Variants in FAM167A observed in about 807,000 individuals in gnomAD.
The protein encoded by FAM167A is family with sequence similarity 167 member A, also known as protein FAM167A.
A neutral mutation model predicts 14.9 loss-of-function variants in FAM167A; 23 were observed. The ratio of observed to expected loss-of-function variants is 1.55; its 90% CI spans 1.11 to 2.19. The LOEUF (loss-of-function observed/expected upper bound fraction) is 2.19, where lower values mean the gene tolerates loss of function less well. FAM167A is among the 30% of genes most tolerant of loss of function. The probability of loss-of-function intolerance (pLI) is 0.00; values close to 1 mark genes in which losing one functional copy is unlikely to be tolerated. For synonymous variants in FAM167A, 174 were observed against 117.7 expected (o/e 1.48, Z -3.10); for missense variants, 401 against 281.5 (o/e 1.42, Z -3.04).
chr8:11,462,785 G>T lies in FAM167A; in HGVS notation c.-398+3841C>A, dbSNP rs1393573852. ...CACTCGCAGCCACTGCCTCGAAGCA[G>T]AAAGCATCTGCTCCAGAGGCAGCAG... On this transcript the variant is annotated intron_variant, in intron 1 of 2. Coordinates refer to ENST00000284486, the MANE Select transcript of FAM167A (RefSeq NM_053279.3). Among the ~76,000 whole-genome samples, 14 of 152,340 alleles carry T rather than the reference G, an allele frequency of 9.2e-5. No individual in the cohort carries two copies. In the South Asian group the frequency reaches 2.7e-3, roughly 29 times the overall value.
intron 2 of FAM167A, among the ~76,000 whole-genome samples, chr8:11,439,605 C>CG (rs1320303136): frequency 1.3e-5 from 2 of 152,222 alleles, no homozygotes; most frequent in African/African-American, 2.4e-5. Flanking sequence ...CTCCTTGGTG[C>CG]GGGGGGAGGG....
chr8:11,473,764 CT>C (rs961035783), intron 1 of FAM167A, among the ~76,000 whole-genome samples: 3 of 152,312 alleles, frequency 2.0e-5, no homozygotes, highest in Admixed American at 1.3e-4. Flanking sequence ...ATGAAGTTCA[CT>C]GTGAGGATTA....
chr8:11,425,540 A>G lies in FAM167A; in HGVS notation c.382-904T>C, dbSNP rs549612051. 5.3e-5 allele frequency among the ~76,000 whole-genome samples: 8 copies of G among 152,234 alleles called. No homozygotes were observed. In the South Asian group the frequency reaches 1.5e-3, roughly 28 times the overall value. On this transcript the variant is annotated intron_variant, in intron 2 of 2. Coordinates refer to ENST00000284486, the MANE Select transcript of FAM167A (RefSeq NM_053279.3). ...CTTGATGTTTCCTATTGATGTGTAA[A>G]CACAAGGTAAAATCCTAAGCCCCCC...
intron 2 of FAM167A, among the ~76,000 whole-genome samples, chr8:11,443,132 G>C (rs936517762): frequency 2.0e-5 from 3 of 152,242 alleles, no homozygotes; most frequent in Admixed American, 6.5e-5. Flanking sequence ...CTCAGGGACG[G>C]GGTGGGGCAG....
chr8:11,468,720 C>G (rs1028222122), upstream of FAM167A, among the ~76,000 whole-genome samples: 14 of 152,242 alleles, frequency 9.2e-5, no homozygotes, highest in African/African-American at 3.4e-4. Context: ...TCTGGAAATG[C>G]TTTGTCCCAC....
Position 11,444,357 on chromosome 8 carries a change from C to A in FAM167A, c.55G>T (p.Ala19Ser). ...AGGTGGTCATCGGGTGGTGCGGCTG[C>A]TCCCGCCCCCTCTTCTGCACCCACT... Reference protein sequence around the residue: ...EEVGAEEGAGAAAPPDDHLRS... With the variant: ...EEVGAEEGAGSAAPPDDHLRS... Residue 19 changes from alanine to serine, a missense_variant, in exon 2 of 3, where the codon GCA becomes TCA. Coordinates refer to ENST00000284486, the MANE Select transcript of FAM167A (RefSeq NM_053279.3). The A allele has an allele frequency of 6.3e-7, 1 of 1,594,526 alleles. No homozygotes were observed. The highest frequency in any genetic ancestry group is 8.5e-7 in the Non-Finnish European group (1 of 1,170,792).
intron 1 of FAM167A, among the ~76,000 whole-genome samples, chr8:11,449,206 C>T (rs1294526237): frequency 2.0e-5 from 3 of 152,208 alleles, no homozygotes; most frequent in Non-Finnish European, 4.4e-5. Flanking sequence ...TGCCCTGGTG[C>T]CTGAACAAGC....
At chr8:11,457,257 C>T (rs1307943898) in intron 1 of FAM167A, among the ~76,000 whole-genome samples, 2 of 151,958 alleles carry the variant, frequency 1.3e-5, no homozygotes, top group Non-Finnish European at 1.5e-5. Context: ...GCCAGGACAG[C>T]ACTAGCCTTC....
At chr8:11,429,324 T>A (rs1042896898) in intron 2 of FAM167A, among the ~76,000 whole-genome samples, 2 of 152,256 alleles carry the variant, frequency 1.3e-5, no homozygotes, top group Admixed American at 1.3e-4. Flanking sequence ...AAGATATGTC[T>A]TTGCTGGTCC....
intron 2 of FAM167A, among the ~76,000 whole-genome samples, chr8:11,439,954 C>T (rs532659717): frequency 3.9e-5 from 6 of 152,248 alleles, no homozygotes; most frequent in East Asian, 3.9e-4. Flanking sequence ...CTCTGAATTC[C>T]GGACTCAGCT....
Position 11,423,221 on chromosome 8 carries a change from AC to A in FAM167A, c.*1151del, listed in dbSNP as rs1167644230. ...CGAGGGACCCCTGCCATGCCGTATG[AC>A]CCCAGACTGACCTCCCTAACCTGCT... On this transcript the variant is annotated 3_prime_UTR_variant, in exon 3 of 3. Transcript: ENST00000284486. The A allele has an allele frequency of 6.6e-6, 1 of 152,068 alleles. No homozygotes were observed. The highest frequency in any genetic ancestry group is 2.4e-5 in the African/African-American group (1 of 41,374). 9.4% of individuals were successfully genotyped at this position (152,068 alleles called of 1,614,324 possible). A position where few individuals can be genotyped will look rare whatever the true frequency, so the allele number is the denominator to read the frequency against.
Position 11,422,104 on chromosome 8 carries a change from A to G in FAM167A, c.*2269T>C. The G allele has an allele frequency of 3.2e-6, 1 of 315,636 alleles. No individual in the cohort carries two copies. The highest frequency in any genetic ancestry group is 5.0e-5 in the Admixed American group (1 of 20,048). 19.6% of individuals were successfully genotyped at this position (315,636 alleles called of 1,614,324 possible). ...ATCCCCAAACATGTGTCTTGATCTT[A>G]GTTTCCACCCAGAGAATGAAGAAAG... is the stretch of plus-strand genomic sequence containing the variant. On this transcript the variant is annotated 3_prime_UTR_variant, in exon 3 of 3. Transcript: ENST00000284486.
intron 1 of FAM167A, among the ~76,000 whole-genome samples, chr8:11,452,733 G>A (rs1298246691): frequency 2.0e-5 from 3 of 152,192 alleles, no homozygotes; most frequent in Admixed American, 6.5e-5. Flanking sequence ...ATAAACAGAC[G>A]TGACGGCCTG....
chr8:11,475,570 T>G (rs1797850662), intron 1 of FAM167A, among the ~76,000 whole-genome samples: 1 of 151,996 alleles, frequency 6.6e-6, no homozygotes, highest in African/African-American at 2.4e-5. Flanking sequence ...CACATCATAC[T>G]CCTTCTGAAC....
chr8:11,454,130 G>T (rs535168839), intron 1 of FAM167A, among the ~76,000 whole-genome samples: 44 of 152,362 alleles, frequency 2.9e-4, no homozygotes, highest in Non-Finnish European at 5.4e-4. Context: ...GGTCTTGGGG[G>T]ATGGGATGTC....
rs1021722185 is a variant in FAM167A, at chr8:11,444,169, G to T, written c.243C>A (p.Pro81=). ...LEEGERGGQE[P]LLPLREAGQH... is the part of the protein sequence containing the mutation. ...GCCCAGCCTCTCTCAGGGGGAGCAA[G>T]GGCTCCTGCCCCCCACGCTCCCCCT... Residue 81 remains proline, a synonymous_variant, in exon 2 of 3, where the codon CCC becomes CCA. Coordinates refer to ENST00000284486, the MANE Select transcript of FAM167A (RefSeq NM_053279.3). 6.2e-7 allele frequency: 1 copy of T among 1,613,080 alleles called. No homozygotes were observed. The highest frequency in any genetic ancestry group is 2.2e-5 in the East Asian group (1 of 44,874).
chr8:11,434,396 G>A (rs892827722), intron 2 of FAM167A, among the ~76,000 whole-genome samples: 4 of 152,166 alleles, frequency 2.6e-5, no homozygotes, highest in Admixed American at 6.5e-5. Context: ...GGGCTGACTT[G>A]CATGCAGGAA....
intron 2 of FAM167A, among the ~76,000 whole-genome samples, chr8:11,430,536 G>A (rs906761189): frequency 5.3e-5 from 8 of 152,226 alleles, no homozygotes; most frequent in African/African-American, 1.9e-4. Context: ...TTTCAAATAG[G>A]TGAACTGTAT....
intron 1 of FAM167A, among the ~76,000 whole-genome samples, chr8:11,452,263 G>A (rs575978313): frequency 6.6e-5 from 10 of 152,318 alleles, no homozygotes; most frequent in South Asian, 4.1e-4. Flanking sequence ...TGACAATTTC[G>A]CATATGAGTG....
Sources: gnomAD v4.1 joint callset for allele counts (sites outside exome capture counted in the v4.1 genomes callset) on GRCh38, gnomAD v4.1.1 for gene constraint, MANE v1.5 for transcripts, NCBI Gene and HGNC (gene_info 2026-07-23, HGNC 2026-07-21) for gene names.